Variants in ZFHX2 observed in about 807,000 individuals in gnomAD.
ZFHX2 encodes the protein zinc finger homeobox 2, also known as zinc finger homeobox protein 2.
In ZFHX2, 75 loss-of-function variants were observed where a neutral mutation model predicts 164.8. The observed-to-expected ratio is 0.46, with a 90% confidence interval of 0.38 to 0.55. ZFHX2 has a LOEUF of 0.55. Ranked by LOEUF, ZFHX2 falls within the 20% of genes least tolerant of loss-of-function variation. ZFHX2 has a pLI of 0.00. For synonymous variants in ZFHX2, 1,217 were observed against 1,351.4 expected (o/e 0.90, Z 2.18); for missense variants, 2,933 against 3,308.0 (o/e 0.89, Z 2.78).
chr14:23,549,752 G>A (rs1217338863), intron 1 of ZFHX2, among the ~76,000 whole-genome samples: 6 of 152,110 alleles, frequency 3.9e-5, no homozygotes, highest in Non-Finnish European at 7.3e-5. Context: ...CTGATGGAGG[G>A]GTTATATGCC....
At chr14:23,551,997 G>A (rs879493319), upstream of ZFHX2, among the ~76,000 whole-genome samples, 2 of 152,166 alleles carry the variant, frequency 1.3e-5, no homozygotes, top group Non-Finnish European at 2.9e-5. This position sits in a 1 kb window ranked among gnomAD's most constrained non-coding sequence, Gnocchi z 5.3. Flanking sequence ...TCATCCTGTG[G>A]CCTGCAGAAA....
chr14:23,527,929 T>A (rs35109190), intron 6 of ZFHX2, 125 bp from the exon 7 acceptor site: 8 of 787,182 alleles, frequency 1.0e-5, no homozygotes, highest in Admixed American at 5.8e-5. Context: ...TTTTTTTAGA[T>A]GGAGTCTGGC....
rs1004223958 is a variant in ZFHX2, at chr14:23,522,606, G to A, written c.7075C>T (p.Pro2359Ser). 5 of 1,531,400 alleles carry A rather than the reference G, an allele frequency of 3.3e-6. No homozygotes were observed. In the African/African-American group the frequency reaches 6.9e-5, roughly 21 times the overall value. The allele number at this position is 1,531,400 out of a possible 1,614,324, so 94.9% of individuals were successfully genotyped here. ...TGTAGCTGGGGGCCAAAGACAGCTG[G>A]CGGTGCTGTTCCCCCAGCAGGGGGC... ...PLPPAGGTAP[P>S]AVFGPQLQGA... The change falls in exon 10 of 10, where the codon CCA becomes TCA. Residue 2359 changes from proline to serine, a missense_variant. Physicochemically the swap from Pro to Ser is moderately conservative, Grantham distance 74. Transcript: ENST00000419474.
Position 23,528,361 on chromosome 14 carries a change from T to C in ZFHX2, c.2935-557A>G, listed in dbSNP as rs571026746. On this transcript the variant is annotated intron_variant, in intron 6 of 9. Coordinates refer to ENST00000419474, the MANE Select transcript of ZFHX2 (RefSeq NM_033400.3). Reference sequence around the variant, plus strand: ...GCCGCTACCTTGCACTCCTTCTTTGTCTGGCCCTCTTCCACCATCCTGGCC... The same window carrying C: ...GCCGCTACCTTGCACTCCTTCTTTGCCTGGCCCTCTTCCACCATCCTGGCC... Among the ~76,000 whole-genome samples, 56 of 152,304 alleles carry C rather than the reference T, an allele frequency of 3.7e-4. No homozygotes were observed. The South Asian group carries it at 0.011, about 29-fold the overall frequency.
chr14:23,525,125 T>C lies in ZFHX2; in HGVS notation c.4817A>G (p.Gln1606Arg), dbSNP rs1383854593. The change falls in exon 9 of 10, where the codon CAG becomes CGG. Residue 1606 changes from glutamine (Q) to arginine (R), a missense_variant. Physicochemically the swap from Gln to Arg is conservative, Grantham distance 43. Coordinates refer to ENST00000419474, the MANE Select transcript of ZFHX2 (RefSeq NM_033400.3). The surrounding 1 kb of genome is among the most constrained non-coding windows in gnomAD (Gnocchi z 5.9). ...RFSRTKFTEF[Q>R]TQALQSFFET... ...AAAGAAAGACTGCAGGGCTTGGGTC[T>C]GGAACTCTGTGAACTTGGTTCTGGA... The C allele has an allele frequency of 1.0e-5, 16 of 1,536,174 alleles. No individual in the cohort carries two copies. The highest frequency in any genetic ancestry group is 1.4e-5 in the Non-Finnish European group (16 of 1,146,916).
chr14:23,523,595 G>A lies in ZFHX2; in HGVS notation c.6347C>T (p.Ala2116Val). Residue 2116 changes from alanine to valine, a missense_variant, in exon 9 of 10, where the codon GCT (alanine) becomes GTT (valine). Physicochemically the swap from Ala to Val is moderately conservative, Grantham distance 64. Coordinates refer to ENST00000419474, the MANE Select transcript of ZFHX2 (RefSeq NM_033400.3). This position sits in a 1 kb window ranked among gnomAD's most constrained non-coding sequence, Gnocchi z 4.1. ...KRVIQVWFQN[A>V]RAKEKKAKLQ... ...TTTGGCCTTCTTTTCCTTGGCACGA[G>A]CATTCTGGAACCAGACCTGGATGAC... The A allele has an allele frequency of 2.6e-6, 4 of 1,553,396 alleles. No individual in the cohort carries two copies. The highest frequency in any genetic ancestry group is 3.5e-6 in the Non-Finnish European group (4 of 1,155,368).
At chr14:23,541,810 A>T (rs541005063) in intron 1 of ZFHX2, among the ~76,000 whole-genome samples, 1 of 130,942 alleles carries the variant, frequency 7.6e-6, no homozygotes, top group African/African-American at 3.4e-5. Context: ...CCCTGCATTT[A>T]AAACTATCAT....
chr14:23,533,778 A>G lies in ZFHX2; in HGVS notation c.1548T>C (p.Ser516=). ...TGCTGAGGTTGCCTTTGGTGGTTGT[A>G]GAGTAGTTGCAGACGTCACAGCGGT... ...KPYRCDVCNY[S]TTTKGNLSIH... Residue 516 remains serine, a synonymous_variant, in exon 2 of 10, where the codon TCT becomes TCC. Coordinates refer to ENST00000419474, the MANE Select transcript of ZFHX2 (RefSeq NM_033400.3). This position sits in a 1 kb window ranked among gnomAD's most constrained non-coding sequence, Gnocchi z 4.8. 1 of 1,557,966 alleles carries G rather than the reference A, an allele frequency of 6.4e-7. No individual in the cohort carries two copies. The highest frequency in any genetic ancestry group is 8.6e-7 in the Non-Finnish European group (1 of 1,158,708).
chr14:23,529,566 G>T, intron 6 of ZFHX2, 144 bp downstream of exon 6: 1 of 838,954 alleles, frequency 1.2e-6, no homozygotes, highest in Non-Finnish European at 1.9e-6. Context: ...ATGTGGAACT[G>T]GATCTGGGTG....
chr14:23,545,535 A>C (rs1467886347), intron 1 of ZFHX2, among the ~76,000 whole-genome samples: 1 of 151,800 alleles, frequency 6.6e-6, no homozygotes, highest in East Asian at 1.9e-4. Context: ...CTCTCTCCCA[A>C]CTTCTCCCTG....
At chr14:23,552,232 G>A (rs1882023647), upstream of ZFHX2, among the ~76,000 whole-genome samples, 1 of 151,854 alleles carries the variant, frequency 6.6e-6, no homozygotes, top group Non-Finnish European at 1.5e-5. Flanking sequence ...GAGCTGGGTT[G>A]GGGGAGGTTC....
chr14:23,524,353 G>T lies in ZFHX2; in HGVS notation c.5589C>A (p.Thr1863=). 1 of 1,536,276 alleles carries T rather than the reference G, an allele frequency of 6.5e-7. No homozygotes were observed. The highest frequency in any genetic ancestry group is 8.7e-7 in the Non-Finnish European group (1 of 1,146,930). ...GGATCTCTAGCTGCTCAGGCAAGAT[G>T]GTGGTGCGCAGGCGCTTGTCCCTGG... ...EPPRDKRLRT[T]ILPEQLEILY... is the part of the protein sequence containing the mutation. The change falls in exon 9 of 10, where the codon ACC becomes ACA. Residue 1863 remains threonine (T), a synonymous_variant. Coordinates refer to ENST00000419474, the MANE Select transcript of ZFHX2 (RefSeq NM_033400.3). This position sits in a 1 kb window ranked among gnomAD's most constrained non-coding sequence, Gnocchi z 5.6.
chr14:23,555,297 C>T (rs1009053216), upstream of ZFHX2, among the ~76,000 whole-genome samples: 1 of 152,150 alleles, frequency 6.6e-6, no homozygotes, highest in Non-Finnish European at 1.5e-5. Flanking sequence ...CCGCACCGGC[C>T]TTTCTGTATT....
chr14:23,541,446 C>A (rs1167237303), intron 1 of ZFHX2, among the ~76,000 whole-genome samples: 2 of 152,036 alleles, frequency 1.3e-5, no homozygotes, highest in African/African-American at 4.8e-5. Flanking sequence ...CTCCACCACG[C>A]CCAGCTAATT....
At position 23,524,429 on chromosome 14, in the gene ZFHX2, C is replaced by T. The variant is rs1878442362; in HGVS notation, c.5513G>A (p.Ser1838Asn). Residue 1838 changes from serine to asparagine, a missense_variant, in exon 9 of 10, where the codon AGC (serine) becomes AAC (asparagine). By Grantham distance (46) the Ser-to-Asn change is conservative (BLOSUM62 1). Transcript: ENST00000419474. The surrounding 1 kb of genome is among the most constrained non-coding windows in gnomAD (Gnocchi z 5.6). ...PPLKRKHEDG[S>N]LSPTGSEAGG... ...TGCTTCACTGCCTGTGGGAGACAAG[C>T]TGCCGTCCTCATGCTTCCGTTTGAG... is the stretch of plus-strand genomic sequence containing the variant. 2.6e-6 allele frequency: 4 copies of T among 1,536,036 alleles called. No homozygotes were observed. Among genetic ancestry groups the T allele is most frequent in the African/African-American group, 1.4e-5 (1 of 73,060 alleles).
In ZFHX2 at chr14:23,525,155, C is replaced by T. The variant is rs752682288; in HGVS notation, c.4787G>A (p.Arg1596Gln). The T allele has an allele frequency of 1.7e-5, 26 of 1,535,990 alleles. No individual in the cohort carries two copies. The highest frequency in any genetic ancestry group is 3.6e-5 in the South Asian group (3 of 84,064). Residue 1596 changes from arginine to glutamine, a missense_variant, in exon 9 of 10, where the codon CGG becomes CAG. Arg to Gln is a conservative substitution (Grantham distance 43). Coordinates refer to ENST00000419474, the MANE Select transcript of ZFHX2 (RefSeq NM_033400.3). This position sits in a 1 kb window ranked among gnomAD's most constrained non-coding sequence, Gnocchi z 5.9. The part of the protein sequence containing the change: ...NLPPLVPAGR[R>Q]FSRTKFTEFQ... ...CTCTGTGAACTTGGTTCTGGAGAACCGGCGGCCGGCAGGCACCAGGGGAGG... is the reference window on the plus strand; with the variant it reads ...CTCTGTGAACTTGGTTCTGGAGAACTGGCGGCCGGCAGGCACCAGGGGAGG...
At position 23,533,229 on chromosome 14, in the gene ZFHX2, C is replaced by T. The variant is rs923430045; in HGVS notation, c.2041+56G>A. The T allele has an allele frequency of 8.8e-5, 127 of 1,435,196 alleles. No individual in the cohort carries two copies. The highest frequency in any genetic ancestry group is 2.3e-4 in the Middle Eastern group (1 of 4,334). The allele number at this position is 1,435,196 out of a possible 1,614,324, so 88.9% of individuals were successfully genotyped here. A position where few individuals can be genotyped will look rare whatever the true frequency, so the allele number is the denominator to read the frequency against. The stretch of plus-strand genomic sequence containing the variant: ...GGGAGTTGGTCCTTGGGAGAAAGCA[C>T]GGAATAGAGTTTGGCCCTGGGGAGG... On this transcript the variant is annotated intron_variant, in intron 2 of 9. Coordinates refer to ENST00000419474, the MANE Select transcript of ZFHX2 (RefSeq NM_033400.3). This position sits in a 1 kb window ranked among gnomAD's most constrained non-coding sequence, Gnocchi z 4.8.
chr14:23,552,346 T>A (rs1882036735), upstream of ZFHX2, among the ~76,000 whole-genome samples: 1 of 149,430 alleles, frequency 6.7e-6, no homozygotes, highest in South Asian at 2.1e-4. Flanking sequence ...CAGGTTGGAG[T>A]GCAGTGGTGC....
upstream of ZFHX2, among the ~76,000 whole-genome samples, chr14:23,555,148 C>T (rs1379534989): frequency 6.6e-6 from 1 of 152,048 alleles, no homozygotes; most frequent in Non-Finnish European, 1.5e-5. Flanking sequence ...CCACCATGCC[C>T]GGCTCATTTT....
Sources: gnomAD v4.1 joint callset for allele counts (sites outside exome capture counted in the v4.1 genomes callset) on GRCh38, gnomAD v4.1.1 for gene constraint, Gnocchi (gnomAD v3.1) non-coding constraint, MANE v1.5 for transcripts, NCBI Gene and HGNC (gene_info 2026-07-23, HGNC 2026-07-21) for gene names.